CTNNA3: variants seen among roughly 807,000 people sequenced by gnomAD.
CTNNA3 encodes catenin alpha 3.
In CTNNA3, 76 loss-of-function variants were observed where a neutral mutation model predicts 95.7. The observed-to-expected ratio is 0.79, with a 90% CI of 0.66 to 0.96. CTNNA3 has a LOEUF of 0.96. Among genes scored for constraint, CTNNA3 ranks in the 40% least tolerant of loss-of-function variants. CTNNA3 has a pLI of 0.00. For missense variants in CTNNA3, 1,191 were observed against 1,089.8 expected, an observed-to-expected ratio of 1.09 and a Z score of -1.31; for synonymous variants, 431 against 374.4, an observed-to-expected ratio of 1.15 and a Z score of -1.74.
At chr10:66,740,640 T>C (rs1040594453) in intron 9 of CTNNA3, among the ~76,000 whole-genome samples, 1 of 152,230 alleles carries the variant, frequency 6.6e-6, no homozygotes, top group Non-Finnish European at 1.5e-5. Context: ...GCTGTTTCTT[T>C]TTCAAATGTA....
At chr10:67,145,177 C>T (rs933043008) in intron 7 of CTNNA3, among the ~76,000 whole-genome samples, 6 of 152,072 alleles carry the variant, frequency 3.9e-5, no homozygotes, top group African/African-American at 1.4e-4. Context: ...AAAATAATTA[C>T]AATAATAACA....
chr10:67,401,173 C>A (rs1423123531), intron 5 of CTNNA3, among the ~76,000 whole-genome samples: 1 of 152,142 alleles, frequency 6.6e-6, no homozygotes, highest in Non-Finnish European at 1.5e-5. Context: ...GCAAAAGCAG[C>A]CCTCACAAGA....
At chr10:66,525,598 G>A (rs993806424) in intron 10 of CTNNA3, among the ~76,000 whole-genome samples, 2 of 152,092 alleles carry the variant, frequency 1.3e-5, no homozygotes, top group Non-Finnish European at 2.9e-5. Context: ...ACATTACAAT[G>A]CCTGGTGTAA....
At chr10:67,279,997 A>C (rs1589121196) in intron 5 of CTNNA3, among the ~76,000 whole-genome samples, 2 of 150,684 alleles carry the variant, frequency 1.3e-5, no homozygotes, top group African/African-American at 4.9e-5. Flanking sequence ...TTATAGAAAA[A>C]TATATTAAAT....
intron 13 of CTNNA3, among the ~76,000 whole-genome samples, chr10:66,171,711 G>A (rs1014083962): frequency 7.2e-5 from 11 of 152,008 alleles, no homozygotes; most frequent in Admixed American, 3.9e-4. Context: ...GGAAGAAATC[G>A]AGCAGTACTG....
At chr10:66,694,437 C>G (rs1847680541) in intron 9 of CTNNA3, among the ~76,000 whole-genome samples, 1 of 152,082 alleles carries the variant, frequency 6.6e-6, no homozygotes, top group East Asian at 1.9e-4. Context: ...CTGAATACAC[C>G]AATAACAGGC....
chr10:67,744,735 A>C (rs1045309935), intron 1 of CTNNA3, among the ~76,000 whole-genome samples: 3 of 147,598 alleles, frequency 2.0e-5, no homozygotes, highest in Non-Finnish European at 4.4e-5. Flanking sequence ...AATGGGAGAA[A>C]ATTTTTGCAC....
chr10:67,672,716 G>T (rs949813063), intron 1 of CTNNA3, among the ~76,000 whole-genome samples: 3 of 151,964 alleles, frequency 2.0e-5, no homozygotes, highest in African/African-American at 4.8e-5. Flanking sequence ...TCCATTGGTC[G>T]ATATCTCTGT....
intron 7 of CTNNA3, among the ~76,000 whole-genome samples, chr10:66,917,838 C>T (rs975210824): frequency 6.6e-6 from 1 of 152,134 alleles, no homozygotes; most frequent in Non-Finnish European, 1.5e-5. Context: ...TGTTATGATA[C>T]CATTTAAAGA....
chr10:67,422,981 G>A (rs1019396053), intron 5 of CTNNA3, among the ~76,000 whole-genome samples: 2 of 152,024 alleles, frequency 1.3e-5, no homozygotes, highest in African/African-American at 2.4e-5. Flanking sequence ...TTAAATAGAG[G>A]TGATTTCCAA....
intron 3 of CTNNA3, among the ~76,000 whole-genome samples, chr10:67,544,949 G>C (rs1348554986): frequency 6.6e-6 from 1 of 152,150 alleles, no homozygotes; most frequent in Non-Finnish European, 1.5e-5. Flanking sequence ...ATGATTTAAT[G>C]AAAATGGAAG....
At chr10:66,933,190 C>T (rs1847505958) in intron 7 of CTNNA3, among the ~76,000 whole-genome samples, 1 of 152,214 alleles carries the variant, frequency 6.6e-6, no homozygotes, top group Non-Finnish European at 1.5e-5. Flanking sequence ...TGTTACAGAA[C>T]CCCAAGCCCA....
chr10:67,676,128 T>A (rs1232831593), intron 1 of CTNNA3, among the ~76,000 whole-genome samples: 1 of 152,126 alleles, frequency 6.6e-6, no homozygotes, highest in East Asian at 1.9e-4. Context: ...TTCAGGTTAA[T>A]TTTTTAGCTT....
intron 5 of CTNNA3, among the ~76,000 whole-genome samples, chr10:67,274,494 C>T (rs1032468717): frequency 1.3e-5 from 2 of 152,064 alleles, no homozygotes; most frequent in South Asian, 2.1e-4. Context: ...AATTTACAAT[C>T]GCCATGAGAG....
At chr10:66,260,291 T>A (rs574795813) in intron 13 of CTNNA3, among the ~76,000 whole-genome samples, 2 of 152,266 alleles carry the variant, frequency 1.3e-5, no homozygotes, top group Non-Finnish European at 2.9e-5. Context: ...TTAAAGTTAA[T>A]CATCTCTGCC....
At chr10:65,990,663 T>A (rs994772569) in intron 15 of CTNNA3, among the ~76,000 whole-genome samples, 1 of 151,110 alleles carries the variant, frequency 6.6e-6, no homozygotes, top group Non-Finnish European at 1.5e-5. Flanking sequence ...CAAATATTTT[T>A]AAATATTAAA....
At chr10:67,717,341 T>A (rs1841149989) in intron 1 of CTNNA3, among the ~76,000 whole-genome samples, 1 of 152,244 alleles carries the variant, frequency 6.6e-6, no homozygotes, top group African/African-American at 2.4e-5. Context: ...ATTTGTCTAT[T>A]TTGGCTTCTG....
chr10:66,361,509 T>C (rs2092675238), intron 12 of CTNNA3, among the ~76,000 whole-genome samples: 1 of 151,166 alleles, frequency 6.6e-6, no homozygotes, highest in Non-Finnish European at 1.5e-5. Context: ...TCTCCTTCTT[T>C]CCCTCTCTCT....
chr10:66,926,747 T>A (rs1192390001), intron 7 of CTNNA3, among the ~76,000 whole-genome samples: 1 of 152,128 alleles, frequency 6.6e-6, no homozygotes, highest in Non-Finnish European at 1.5e-5. Flanking sequence ...TTTAACTATT[T>A]AAAAAAACAA....
Sources: gnomAD v4.1 joint callset for allele counts (sites outside exome capture counted in the v4.1 genomes callset) on GRCh38, gnomAD v4.1.1 for gene constraint, MANE v1.5 for transcripts, NCBI Gene and HGNC (gene_info 2026-07-23, HGNC 2026-07-21) for gene names.